KCNIP4: variants seen among roughly 807,000 people sequenced by gnomAD.
KCNIP4 encodes the protein Kv channel-interacting protein 4.
A neutral mutation model predicts 34.0 loss-of-function variants in KCNIP4; 12 were observed. That is an observed-to-expected ratio of 0.35 (90% CI 0.23 to 0.57). The LOEUF is 0.57. KCNIP4 is among the 20% of genes least tolerant of loss of function. KCNIP4 has a pLI of 0.83. For synonymous variants in KCNIP4, 124 were observed against 102.2 expected (o/e 1.21, Z -1.29); for missense variants, 238 against 311.7 (o/e 0.76, Z 1.78).
intron 1 of KCNIP4, among the ~76,000 whole-genome samples, chr4:21,050,497 C>A (rs1160710663): frequency 6.6e-6 from 1 of 151,946 alleles, no homozygotes; most frequent in Non-Finnish European, 1.5e-5. Flanking sequence ...TAGTTAAAGA[C>A]CAAAATTTTA....
chr4:21,446,417 A>G (rs1022355247), intron 1 of KCNIP4, among the ~76,000 whole-genome samples: 3 of 152,092 alleles, frequency 2.0e-5, no homozygotes, highest in African/African-American at 4.8e-5. Flanking sequence ...AATGTGGCAC[A>G]TATACACCAT....
intron 1 of KCNIP4, among the ~76,000 whole-genome samples, chr4:20,885,267 G>T (rs527879242): frequency 6.6e-6 from 1 of 151,294 alleles, no homozygotes; most frequent in African/African-American, 2.4e-5. Context: ...ATTACCAGCC[G>T]TTATTCTCGA....
intron 1 of KCNIP4, among the ~76,000 whole-genome samples, chr4:21,409,192 G>A (rs6840041): frequency 1.1e-4 from 16 of 150,202 alleles, no homozygotes; most frequent in Middle Eastern, 3.4e-3. Flanking sequence ...CTGCAACCTC[G>A]ACCTCCTGGG....
chr4:21,720,003 A>AAAGAAG (rs1206806624), intron 1 of KCNIP4, among the ~76,000 whole-genome samples: 3 of 108,912 alleles, frequency 2.8e-5, no homozygotes, highest in South Asian at 5.5e-4. Context: ...AAGAAAAGAA[A>AAAGAAG]AAGAAGAAGA....
At chr4:21,025,552 T>TG (rs199781451) in intron 1 of KCNIP4, among the ~76,000 whole-genome samples, 8,151 of 72,638 alleles carry the variant, frequency 0.11, 927 homozygotes, top group East Asian at 0.23. Context: ...TGTTTTTTTT[T>TG]TTTTTTTTTT....
rs535081977 is a variant in KCNIP4, at chr4:21,152,048, T to G, written c.62-269339A>C. Among the ~76,000 whole-genome samples, 162 of 152,258 alleles carry G rather than the reference T, an allele frequency of 1.1e-3. 1 individual carries two copies. The highest frequency in any genetic ancestry group is 2.0e-3 in the Non-Finnish European group (135 of 68,020). On this transcript the variant is annotated intron_variant, in intron 1 of 8. Coordinates refer to ENST00000382152, the MANE Select transcript of KCNIP4 (RefSeq NM_025221.6). ...TGGGCAGATCACTTGAGGTCAGCAG[T>G]TCGAGACCAGCCTGACCAACATGGT...
chr4:20,880,756 T>G (rs1486041774), intron 2 of KCNIP4, among the ~76,000 whole-genome samples: 1 of 152,192 alleles, frequency 6.6e-6, no homozygotes, highest in African/African-American at 2.4e-5. Context: ...GCAATGACTC[T>G]AATAACCAAC....
intron 1 of KCNIP4, among the ~76,000 whole-genome samples, chr4:21,867,547 T>C (rs1725506887): frequency 3.9e-5 from 6 of 152,158 alleles, no homozygotes; most frequent in Admixed American, 1.3e-4. Context: ...CACTAGAGGT[T>C]AGGACAGGAT....
At chr4:21,284,111 G>T (rs1455456448) in intron 1 of KCNIP4, among the ~76,000 whole-genome samples, 4 of 151,916 alleles carry the variant, frequency 2.6e-5, no homozygotes, top group African/African-American at 7.3e-5. Context: ...TACTTGGGAG[G>T]CTGAGGCAGG....
At chr4:21,355,755 C>T (rs1405806944) in intron 1 of KCNIP4, among the ~76,000 whole-genome samples, 1 of 152,182 alleles carries the variant, frequency 6.6e-6, no homozygotes, top group Non-Finnish European at 1.5e-5. Context: ...CTTTCTGAAA[C>T]TATTCCAATC....
At chr4:21,019,301 G>C (rs892634016) in intron 1 of KCNIP4, among the ~76,000 whole-genome samples, 1 of 151,858 alleles carries the variant, frequency 6.6e-6, no homozygotes, top group Non-Finnish European at 1.5e-5. Flanking sequence ...GATTACAGGC[G>C]CATGCCACCA....
At chr4:20,860,651 G>A (rs1379323508) in intron 2 of KCNIP4, among the ~76,000 whole-genome samples, 1 of 152,038 alleles carries the variant, frequency 6.6e-6, no homozygotes, top group Non-Finnish European at 1.5e-5. Flanking sequence ...TATTAAATTG[G>A]CCGAATAGTG....
chr4:21,546,332 G>C (rs765763011), intron 1 of KCNIP4, among the ~76,000 whole-genome samples: 1 of 152,036 alleles, frequency 6.6e-6, no homozygotes, highest in Non-Finnish European at 1.5e-5. Flanking sequence ...GATTTATATT[G>C]AATGGGTAGT....
intron 1 of KCNIP4, among the ~76,000 whole-genome samples, chr4:21,146,656 G>C (rs1752380782): frequency 6.6e-6 from 1 of 152,078 alleles, no homozygotes. Flanking sequence ...AGCGGTGTGT[G>C]TTTACACACA....
intron 1 of KCNIP4, among the ~76,000 whole-genome samples, chr4:21,511,972 A>G (rs1478478632): frequency 6.6e-6 from 1 of 151,884 alleles, no homozygotes; most frequent in African/African-American, 2.4e-5. Flanking sequence ...ATAGAGTAAA[A>G]GAGAAAGAAA....
intron 1 of KCNIP4, among the ~76,000 whole-genome samples, chr4:21,184,045 A>G (rs1755038375): frequency 6.6e-6 from 1 of 152,076 alleles, no homozygotes; most frequent in Non-Finnish European, 1.5e-5. Flanking sequence ...TTATTTATTG[A>G]CAGGCAGTAC....
intron 1 of KCNIP4, among the ~76,000 whole-genome samples, chr4:21,798,755 C>A (rs1416631248): frequency 4.6e-5 from 7 of 151,898 alleles, no homozygotes; most frequent in Non-Finnish European, 1.0e-4. Flanking sequence ...CAGAAACTAT[C>A]TGAAAGTTTT....
At chr4:20,992,522 A>T (rs139092190) in intron 1 of KCNIP4, among the ~76,000 whole-genome samples, 52 of 152,280 alleles carry the variant, frequency 3.4e-4, no homozygotes, top group African/African-American at 9.4e-4. Context: ...TATTTCATAT[A>T]GTTCCCAAAA....
chr4:21,572,559 T>C (rs1740441438), intron 1 of KCNIP4, among the ~76,000 whole-genome samples: 1 of 152,018 alleles, frequency 6.6e-6, no homozygotes, highest in African/African-American at 2.4e-5. Flanking sequence ...ATCTTCCTTC[T>C]AAACACCATT....
Sources: gnomAD v4.1 joint callset for allele counts (sites outside exome capture counted in the v4.1 genomes callset) on GRCh38, gnomAD v4.1.1 for gene constraint, MANE v1.5 for transcripts, NCBI Gene and HGNC (gene_info 2026-07-23, HGNC 2026-07-21) for gene names.